The following CBLN2 variants were observed in gnomAD, a reference collection of about 807,000 sequenced individuals.
CBLN2 encodes cerebellin 2 precursor.
Under a neutral mutation model 15.0 loss-of-function variants are expected in CBLN2, and 7 were observed. That is an observed-to-expected ratio of 0.47 (90% CI 0.27 to 0.88). The LOEUF (loss-of-function observed/expected upper bound fraction) is 0.88. Among genes scored for constraint, CBLN2 ranks in the 40% least tolerant of loss-of-function variants. The pLI is 0.14. For synonymous variants in CBLN2, 149 were observed against 135.2 expected, an observed-to-expected ratio of 1.10 and a Z score of -0.71; for missense variants, 242 against 304.5, an observed-to-expected ratio of 0.79 and a Z score of 1.53.
intron 1 of CBLN2, chr18:72,625,366 T>TC (rs2069729423): frequency 6.6e-6 from 1 of 152,128 alleles, no homozygotes; most frequent in African/African-American, 2.4e-5. Context: ...TCCCTCCTCC[T>TC]CCCCATCTCT....
chr18:72,607,194 G>C (rs1442202081), intron 1 of CBLN2, among the ~76,000 whole-genome samples: 1 of 152,134 alleles, frequency 6.6e-6, no homozygotes, highest in East Asian at 1.9e-4. Flanking sequence ...CCCTCAGAAG[G>C]AACCAACACT....
chr18:72,600,806 G>A (rs929761528), intron 1 of CBLN2, among the ~76,000 whole-genome samples: 2 of 152,174 alleles, frequency 1.3e-5, no homozygotes, highest in Admixed American at 1.3e-4. Flanking sequence ...CTAAAGAACT[G>A]GGAACATTGA....
At chr18:72,552,309 C>T (rs943182136) in intron 1 of CBLN2, among the ~76,000 whole-genome samples, 1 of 152,046 alleles carries the variant, frequency 6.6e-6, no homozygotes, top group African/African-American at 2.4e-5. Context: ...ATCTCGAACT[C>T]CTGACCTCAG....
chr18:72,586,946 T>C (rs914489264), intron 1 of CBLN2, among the ~76,000 whole-genome samples: 1 of 151,794 alleles, frequency 6.6e-6, no homozygotes, highest in Non-Finnish European at 1.5e-5. Context: ...ACTATAACTA[T>C]GATATATATA....
rs143230412 is a variant in CBLN2 at position 72,609,987 on chromosome 18, G to C, written c.15+28338C>G. 3.9e-3 allele frequency among the ~76,000 whole-genome samples: 588 copies of C among 152,206 alleles called. 3 individuals carry two copies. The highest frequency in any genetic ancestry group is 6.8e-3 in the Middle Eastern group (2 of 294). On this transcript the variant is annotated intron_variant, in intron 1 of 2. Transcript: ENST00000581073. ...AACTCGCTGCCATCCTGTGTGTACA[G>C]GCAGGACCATTAATGTTCCCTAATG...
At chr18:72,581,431 A>T (rs987488493) in intron 1 of CBLN2, among the ~76,000 whole-genome samples, 6 of 152,200 alleles carry the variant, frequency 3.9e-5, no homozygotes, top group Admixed American at 3.9e-4. Flanking sequence ...GGATGTTATA[A>T]TAAATTTTAT....
At chr18:72,602,074 C>A (rs1418430536) in intron 1 of CBLN2, among the ~76,000 whole-genome samples, 1 of 152,202 alleles carries the variant, frequency 6.6e-6, no homozygotes, top group African/African-American at 2.4e-5. Context: ...TGGCAGACTG[C>A]AGACTGACTG....
intron 1 of CBLN2, among the ~76,000 whole-genome samples, chr18:72,609,498 A>C (rs764620958): frequency 2.5e-4 from 38 of 152,114 alleles, no homozygotes; most frequent in Admixed American, 6.5e-4. Context: ...CTCAGACTCT[A>C]GCCTCCAGAA....
chr18:72,553,996 A>G (rs2069208163), intron 1 of CBLN2, among the ~76,000 whole-genome samples: 1 of 152,244 alleles, frequency 6.6e-6, no homozygotes, highest in Non-Finnish European at 1.5e-5. Context: ...CATGAAGTGC[A>G]TATTTCCATA....
intron 1 of CBLN2, among the ~76,000 whole-genome samples, chr18:72,610,492 A>G (rs2069614650): frequency 1.3e-5 from 2 of 152,312 alleles, no homozygotes; most frequent in African/African-American, 4.8e-5. Flanking sequence ...CCAAATATCT[A>G]TATATCTATC....
chr18:72,538,840 T>C (rs1395631403), intron 3 of CBLN2, 68 bp from the exon 4 acceptor site: 1 of 1,577,366 alleles, frequency 6.3e-7, no homozygotes, highest in Admixed American at 1.8e-5. Flanking sequence ...TCATCATCCT[T>C]GGATAACCAG....
intron 1 of CBLN2, among the ~76,000 whole-genome samples, chr18:72,609,279 G>T (rs1599021597): frequency 6.6e-6 from 1 of 152,104 alleles, no homozygotes; most frequent in Non-Finnish European, 1.5e-5. Flanking sequence ...CCTCAGATAT[G>T]ACTATAATTA....
intron 1 of CBLN2, among the ~76,000 whole-genome samples, chr18:72,551,000 GT>G (rs1214271517): frequency 1.3e-5 from 2 of 152,008 alleles, no homozygotes; most frequent in East Asian, 3.9e-4. Flanking sequence ...AGGGCACAGT[GT>G]AAGAGTAACA....
intron 1 of CBLN2, among the ~76,000 whole-genome samples, chr18:72,567,752 C>A (rs193163283): frequency 2.1e-4 from 32 of 152,278 alleles, no homozygotes; most frequent in Admixed American, 2.0e-3. Context: ...TACACAGATG[C>A]TCTCCCATGC....
chr18:72,574,367 T>C (rs774874297), intron 1 of CBLN2, among the ~76,000 whole-genome samples: 2 of 152,204 alleles, frequency 1.3e-5, no homozygotes, highest in Non-Finnish European at 2.9e-5. Context: ...TTTTCTCCCA[T>C]GTTTTCTTTC....
intron 1 of CBLN2, among the ~76,000 whole-genome samples, chr18:72,600,604 GTGTAAT>G (rs2069541622): frequency 6.6e-6 from 1 of 152,158 alleles, no homozygotes; most frequent in Admixed American, 6.5e-5. Context: ...GAAGGAAAAG[GTGTAAT>G]TGCCTGATGG....
intron 1 of CBLN2, among the ~76,000 whole-genome samples, chr18:72,561,863 C>T (rs1271477331): frequency 6.6e-6 from 1 of 152,168 alleles, no homozygotes; most frequent in Non-Finnish European, 1.5e-5. Flanking sequence ...TCTGGAGGCT[C>T]ATGTGAATTA....
chr18:72,617,684 A>T lies in CBLN2; in HGVS notation c.15+20641T>A, dbSNP rs1368127586. On this transcript the variant is annotated intron_variant, in intron 1 of 2. Coordinates refer to the CBLN2 transcript ENST00000581073. ...CAGTTTTGCCACTTTGAGGAGTTGT[A>T]CCATATAGGATGCTGTGAAATGCTG... Among the ~76,000 whole-genome samples the T allele has an allele frequency of 2.6e-5, 4 of 152,182 alleles. No homozygotes were observed. In the East Asian group the frequency reaches 7.7e-4, roughly 29 times the overall value.
chr18:72,587,477 A>G (rs555178301), intron 1 of CBLN2, among the ~76,000 whole-genome samples: 1 of 152,208 alleles, frequency 6.6e-6, no homozygotes, highest in East Asian at 1.9e-4. Context: ...CAAAAAGTGA[A>G]TTAAGGTTAT....
Sources: allele counts gnomAD v4.1 joint callset (sites outside exome capture counted in the v4.1 genomes callset), GRCh38; gene constraint gnomAD v4.1.1; transcripts MANE v1.5; gene names NCBI Gene and HGNC (gene_info 2026-07-23, HGNC 2026-07-21).